UBR4: variants seen among roughly 807,000 people sequenced by gnomAD.
UBR4 encodes the protein ubiquitin protein ligase E3 component n-recognin 4, also known as E3 ubiquitin-protein ligase UBR4.
UBR4 carries 124 observed loss-of-function variants against 575.6 expected under a neutral mutation model. That is an observed-to-expected ratio of 0.22 (90% CI 0.19 to 0.25). UBR4 has a LOEUF of 0.25. Ranked by LOEUF, UBR4 falls within the 10% of genes least tolerant of loss-of-function variation. The pLI, the probability that UBR4 is intolerant of heterozygous loss-of-function variation, is 1.00. For missense variants in UBR4, 4,818 were observed against 6,478.8 expected, an observed-to-expected ratio of 0.74 and a Z score of 8.80; for synonymous variants, 2,455 against 2,473.7, an observed-to-expected ratio of 0.99 and a Z score of 0.22.
intron 55 of UBR4, 123 bp from the exon 56 acceptor site, chr1:19,141,900 G>T (rs773622995): frequency 7.0e-5 from 98 of 1,390,530 alleles, no homozygotes; most frequent in Non-Finnish European, 8.8e-5. Context: ...GGGCTTTAGC[G>T]GGAGAACTCC....
In UBR4 at chr1:19,155,091, C is replaced by T; in HGVS notation, c.6301-16G>A. The T allele has an allele frequency of 6.2e-7, 1 of 1,612,614 alleles. No individual in the cohort carries two copies. Among genetic ancestry groups the T allele is most frequent in the Non-Finnish European group, 8.5e-7 (1 of 1,179,322 alleles). ...TGTTACTGTCCTGCTGGCACAAAGA[C>T]ACATATTTGCAGTAATTCATGTTGC... On this transcript the variant is annotated splice_polypyrimidine_tract_variant and intron_variant, in intron 43 of 105. Transcript: ENST00000375254.
chr1:19,091,071 G>C (rs1292537295), intron 97 of UBR4, among the ~76,000 whole-genome samples: 1 of 148,554 alleles, frequency 6.7e-6, no homozygotes, highest in Non-Finnish European at 1.5e-5. Context: ...ACTCCAGCCT[G>C]GGTGACAAGA....
At chr1:19,180,527 TA>T (rs1479162173) in intron 17 of UBR4, among the ~76,000 whole-genome samples, 1 of 86,734 alleles carries the variant, frequency 1.2e-5, no homozygotes, top group East Asian at 4.0e-4. Context: ...ATTCCTAAGT[TA>T]AATGAAACAA....
Position 19,093,494 on chromosome 1 carries a change from G to T in UBR4, c.13938-8C>A. 5 of 1,613,744 alleles carry T rather than the reference G, an allele frequency of 3.1e-6. No homozygotes were observed. Among genetic ancestry groups the T allele is most frequent in the Non-Finnish European group, 4.2e-6 (5 of 1,179,766 alleles). On this transcript the variant is annotated splice_polypyrimidine_tract_variant and splice_region_variant and intron_variant, in intron 95 of 105. Coordinates refer to ENST00000375254, the MANE Select transcript of UBR4 (RefSeq NM_020765.3). The surrounding 1 kb of genome is among the most constrained non-coding windows in gnomAD (Gnocchi z 4.8). ...CTGTGATCTTCATCATATCTAGGAG[G>T]AAAGAGCAGAGTTTGAGGGTGTGAA...
Position 19,183,840 on chromosome 1 carries a change from T to C in UBR4, c.2155A>G (p.Thr719Ala). The change falls in exon 17 of 106, where the codon ACC (threonine) becomes GCC (alanine). Residue 719 changes from threonine to alanine, a missense_variant. By Grantham distance (58) the Thr-to-Ala change is moderately conservative. This residue lies in a region of UBR4 where 1,172 missense variants were observed against 1,259.7 expected (regional missense o/e 0.93). Transcript: ENST00000375254. ...ALYHFNHSLV[T>A]SDLQSPNLQN... ...AGGTTAGGTGACTGAAGGTCAGAGG[T>C]TACCAGTGAGTGGTTGAAGTGATAG... is the stretch of plus-strand genomic sequence containing the variant. 6.2e-7 allele frequency: 1 copy of C among 1,614,142 alleles called. No homozygotes were observed. The highest frequency in any genetic ancestry group is 8.5e-7 in the Non-Finnish European group (1 of 1,180,020).
Position 19,139,227 on chromosome 1 carries a change from G to A in UBR4, c.8594-7C>T, listed in dbSNP as rs748252566. 6.3e-7 allele frequency: 1 copy of A among 1,598,620 alleles called. No individual in the cohort carries two copies. Among genetic ancestry groups the A allele is most frequent in the Non-Finnish European group, 8.5e-7 (1 of 1,172,292 alleles). On this transcript the variant is annotated splice_region_variant and splice_polypyrimidine_tract_variant and intron_variant, in intron 58 of 105. Transcript: ENST00000375254. The surrounding 1 kb of genome is among the most constrained non-coding windows in gnomAD (Gnocchi z 4.2). Reference sequence around the variant, plus strand: ...TCGTCGTCTGAGGCTGGAGCTGAGAGAGTAACGAGAGCTGTTACAGGTTAA... The same window carrying A: ...TCGTCGTCTGAGGCTGGAGCTGAGAAAGTAACGAGAGCTGTTACAGGTTAA...
chr1:19,100,200 C>T lies in UBR4; in HGVS notation c.13221+176G>A, dbSNP rs200828552. 9 of 656,986 alleles carry T rather than the reference C, an allele frequency of 1.4e-5. No homozygotes were observed. The highest frequency in any genetic ancestry group is 2.4e-5 in the Non-Finnish European group (9 of 381,342). 40.7% of individuals were successfully genotyped at this position (656,986 alleles called of 1,614,324 possible). A position where few individuals can be genotyped will look rare whatever the true frequency, so the allele number is the denominator to read the frequency against. Reference sequence around the variant, plus strand: ...GCAGAGCCCTTTACAGGTTATTAACCTTAGCACTAGGTGAGGTAGAAAGGT... The same window carrying T: ...GCAGAGCCCTTTACAGGTTATTAACTTTAGCACTAGGTGAGGTAGAAAGGT... On this transcript the variant is annotated intron_variant, in intron 89 of 105. Coordinates refer to ENST00000375254, the MANE Select transcript of UBR4 (RefSeq NM_020765.3). The surrounding 1 kb of genome is among the most constrained non-coding windows in gnomAD (Gnocchi z 4.2).
At chr1:19,094,342 G>A (rs543115869) in intron 94 of UBR4, among the ~76,000 whole-genome samples, 37 of 152,196 alleles carry the variant, frequency 2.4e-4, no homozygotes, top group Non-Finnish European at 4.6e-4. Context: ...TGACAGTGCT[G>A]TTAATTGTCT....
chr1:19,158,688 C>A (rs538900225), intron 39 of UBR4, among the ~76,000 whole-genome samples: 1 of 152,052 alleles, frequency 6.6e-6, no homozygotes, highest in Admixed American at 6.5e-5. Context: ...GTCCCGAACT[C>A]CTCTGGTCAA....
chr1:19,164,658 AC>A, intron 32 of UBR4, 140 bp downstream of exon 32: 1 of 1,215,534 alleles, frequency 8.2e-7, no homozygotes. Context: ...AAGGAGCTAC[AC>A]TAGAATCCTT....
intron 99 of UBR4, 142 bp from the exon 100 acceptor site, chr1:19,086,963 G>A (rs527469295): frequency 1.7e-6 from 2 of 1,173,820 alleles, no homozygotes; most frequent in Non-Finnish European, 2.4e-6. Flanking sequence ...CAGAAGAGCA[G>A]GTAAGGCCAG....
chr1:19,173,536 A>T lies in UBR4; in HGVS notation c.3068T>A (p.Leu1023Gln). ...LPPSKTYINQ[L>Q]SMNSPEMSEC... is the part of the protein sequence containing the mutation. ...GCTCATCTCAGGTGAGTTCATGGAT[A>T]GCTGGTTAATGTAAGTCTTTGATGG... The change falls in exon 23 of 106, where the codon CTA becomes CAA. Residue 1023 changes from leucine (L) to glutamine (Q), a missense_variant. Leu to Gln is a moderately radical substitution (Grantham distance 113). Coordinates refer to ENST00000375254, the MANE Select transcript of UBR4 (RefSeq NM_020765.3). The T allele has an allele frequency of 5.0e-6, 8 of 1,614,186 alleles. No individual in the cohort carries two copies. Among genetic ancestry groups the T allele is most frequent in the Non-Finnish European group, 6.8e-6 (8 of 1,180,032 alleles).
chr1:19,074,993 G>A (rs773183738), intron 105 of UBR4, 97 bp from the exon 106 acceptor site: 163 of 1,311,218 alleles, frequency 1.2e-4, no homozygotes, highest in Middle Eastern at 1.8e-4. Flanking sequence ...AACACACTGC[G>A]GTCCGACAAG....
In UBR4 at chr1:19,155,422, T is replaced by C. The variant is rs556173239; in HGVS notation, c.6300+19A>G. 13 of 1,589,460 alleles carry C rather than the reference T, an allele frequency of 8.2e-6. No individual in the cohort carries two copies. In the East Asian group the frequency reaches 1.4e-4, roughly 17 times the overall value. On this transcript the variant is annotated intron_variant, in intron 43 of 105. Transcript: ENST00000375254. ...TAATTAAATCCGGAATAGAAGGAAA[T>C]AGCAACATGTGCTCTAACCTTCAGG...
chr1:19,074,632 C>A lies in UBR4; in HGVS notation c.*200G>T, dbSNP rs985897686. 2 of 624,342 alleles carry A rather than the reference C, an allele frequency of 3.2e-6. No individual in the cohort carries two copies. The highest frequency in any genetic ancestry group is 1.8e-5 in the African/African-American group (1 of 54,376). The allele number at this position is 624,342 out of a possible 1,614,324, so 38.7% of individuals were successfully genotyped here. A position where few individuals can be genotyped will look rare whatever the true frequency, so the allele number is the denominator to read the frequency against. On this transcript the variant is annotated 3_prime_UTR_variant, in exon 106 of 106. Coordinates refer to ENST00000375254, the MANE Select transcript of UBR4 (RefSeq NM_020765.3). ...GCCCTTTGATGGCTTGGGTTACAGA[C>A]AACCTCATAGCTGGTGCACCACACA... is the stretch of plus-strand genomic sequence containing the variant.
chr1:19,078,493 T>C (rs763867914), intron 103 of UBR4: 8 of 167,200 alleles, frequency 4.8e-5, no homozygotes, highest in Non-Finnish European at 1.0e-4. Flanking sequence ...AATTCAGTCT[T>C]TACATTCCCA....
intron 68 of UBR4, 62 bp downstream of exon 68, chr1:19,121,127 T>G: frequency 8.9e-6 from 14 of 1,574,074 alleles, no homozygotes; most frequent in Middle Eastern, 1.7e-4. Flanking sequence ...GGACAAACCA[T>G]GTGCTCCAAG....
In UBR4 at chr1:19,151,670, G is replaced by C; in HGVS notation, c.7186C>G (p.Gln2396Glu). 1.2e-6 allele frequency: 2 copies of C among 1,614,206 alleles called. No individual in the cohort carries two copies. Among genetic ancestry groups the C allele is most frequent in the Non-Finnish European group, 1.7e-6 (2 of 1,180,014 alleles). The stretch of plus-strand genomic sequence containing the variant: ...AAGAGGTTCAGCTTCTTATCAGCCT[G>C]CAGGGCTTCTTCTCTGGTGAAGGGG... ...DFPFTREEALQADKKLNLFIG... is the reference protein window; with the variant it reads ...DFPFTREEALEADKKLNLFIG... Residue 2396 changes from glutamine (Q) to glutamate (E), a missense_variant, in exon 48 of 106, where the codon CAG becomes GAG. Coordinates refer to ENST00000375254, the MANE Select transcript of UBR4 (RefSeq NM_020765.3).
At chr1:19,172,626 G>A (rs10917061) in intron 25 of UBR4, among the ~76,000 whole-genome samples, 101,649 of 152,098 alleles carry the variant, frequency 0.67, 34,762 homozygotes, top group East Asian at 0.81. Flanking sequence ...TGTATCCTAC[G>A]AGTAAAATCG....
Sources: gnomAD v4.1 joint callset for allele counts (sites outside exome capture counted in the v4.1 genomes callset) on GRCh38, gnomAD v4.1.1 for gene constraint, gnomAD v4.1.1 regional missense constraint, Gnocchi (gnomAD v3.1) non-coding constraint, MANE v1.5 for transcripts, NCBI Gene and HGNC (gene_info 2026-07-23, HGNC 2026-07-21) for gene names.